The following CKAP2L variants were observed in gnomAD, a reference collection of about 807,000 sequenced individuals.
CKAP2L encodes the protein cytoskeleton-associated protein 2-like.
In CKAP2L, 42 loss-of-function variants were observed where a neutral mutation model predicts 65.7. That is an observed-to-expected ratio of 0.64 (90% CI 0.50 to 0.83). The LOEUF (loss-of-function observed/expected upper bound fraction) is 0.83, where lower values mean the gene tolerates loss of function less well. Ranked by LOEUF, CKAP2L falls within the 40% of genes least tolerant of loss-of-function variation. CKAP2L has a pLI of 0.00. For missense variants in CKAP2L, 908 were observed against 871.0 expected, an observed-to-expected ratio of 1.04 and a Z score of -0.53; for synonymous variants, 325 against 313.5, an observed-to-expected ratio of 1.04 and a Z score of -0.39.
intron 3 of CKAP2L, 83 bp from the exon 4 acceptor site, chr2:112,757,297 C>A: frequency 4.4e-6 from 4 of 917,488 alleles, no homozygotes; most frequent in Non-Finnish European, 3.0e-6. Flanking sequence ...TTAACACATG[C>A]TAAAAAAAAT....
chr2:112,756,574 T>C lies in CKAP2L; in HGVS notation c.797A>G (p.Asp266Gly). Residue 266 changes from aspartate (D) to glycine (G), a missense_variant, in exon 4 of 9, where the codon GAT (aspartate) becomes GGT (glycine). Transcript: ENST00000302450. ...GGGTTTTACTCCTGGTCTTGCAAGA[T>C]CTGCTCCTCTAGAGAGTTGCTGTGA... is the stretch of plus-strand genomic sequence containing the variant. ...VKSQQLSRGADLARPGVKPSR... is the reference protein window; with the variant it reads ...VKSQQLSRGAGLARPGVKPSR... The C allele has an allele frequency of 6.2e-7, 1 of 1,612,670 alleles. No homozygotes were observed. The highest frequency in any genetic ancestry group is 1.3e-5 in the African/African-American group (1 of 74,912).
At position 112,756,695 on chromosome 2, in the gene CKAP2L, C is replaced by T; in HGVS notation, c.676G>A (p.Ala226Thr). Residue 226 changes from alanine (A) to threonine (T), a missense_variant, in exon 4 of 9, where the codon GCC becomes ACC. By Grantham distance (58) the Ala-to-Thr change is moderately conservative. Coordinates refer to ENST00000302450, the MANE Select transcript of CKAP2L (RefSeq NM_152515.5). ...CTATTAACTGAACTTTTGCCCAAGG[C>T]TTGTTTAGGAACTAAACTGTTCTTG... ...QTKNSLVPKQ[A>T]LGKSSVNSAV... The T allele has an allele frequency of 6.3e-7, 1 of 1,592,996 alleles. No individual in the cohort carries two copies. Among genetic ancestry groups the T allele is most frequent in the Non-Finnish European group, 8.5e-7 (1 of 1,172,424 alleles).
chr2:112,755,854 C>G, intron 4 of CKAP2L, 123 bp downstream of exon 4: 1 of 903,304 alleles, frequency 1.1e-6, no homozygotes, highest in Non-Finnish European at 1.7e-6. Flanking sequence ...AATCTTTTTT[C>G]AGACTGTAGT....
intron 6 of CKAP2L, among the ~76,000 whole-genome samples, chr2:112,744,331 G>C (rs899676585): frequency 6.6e-6 from 1 of 152,214 alleles, no homozygotes; most frequent in African/African-American, 2.4e-5. Flanking sequence ...TGATCTACTT[G>C]AGAGAGTTGA....
In CKAP2L at chr2:112,752,391, A is replaced by G. The variant is rs761038617; in HGVS notation, c.1478T>C (p.Ile493Thr). Reference sequence around the variant, plus strand: ...CCAGAATGAAATATTCATTTCCTTTATTACTTTTCTTTTTGTTTTAAGTTC... The same window carrying G: ...CCAGAATGAAATATTCATTTCCTTTGTTACTTTTCTTTTTGTTTTAAGTTC... ...PMELKTKRKV[I>T]KEMNISFWKS... Residue 493 changes from isoleucine to threonine, a missense_variant, in exon 5 of 9, where the codon ATA (isoleucine) becomes ACA (threonine). Ile to Thr is a moderately conservative substitution (Grantham distance 89). Transcript: ENST00000302450. 2.5e-6 allele frequency: 4 copies of G among 1,611,978 alleles called. No individual in the cohort carries two copies. The highest frequency in any genetic ancestry group is 1.3e-5 in the African/African-American group (1 of 74,830).
At chr2:112,754,298 A>AT (rs1558760631) in intron 4 of CKAP2L, among the ~76,000 whole-genome samples, 1 of 152,126 alleles carries the variant, frequency 6.6e-6, no homozygotes, top group Non-Finnish European at 1.5e-5. Flanking sequence ...AATGAATGCT[A>AT]TTAACTCTCA....
chr2:112,746,646 A>G (rs1680210858), intron 5 of CKAP2L, 71 bp from the exon 6 acceptor site: 2 of 1,187,942 alleles, frequency 1.7e-6, no homozygotes, highest in Non-Finnish European at 2.4e-6. Flanking sequence ...CCTAATATTT[A>G]TTACAGCAGG....
chr2:112,758,958 G>C (rs1043136455), intron 3 of CKAP2L, among the ~76,000 whole-genome samples: 12 of 152,280 alleles, frequency 7.9e-5, no homozygotes, highest in Admixed American at 2.6e-4. Context: ...TATGTCTATA[G>C]ATGTGCCTAT....
rs762964647 is a variant in CKAP2L, at chr2:112,746,562, T to C, written c.1616A>G (p.Asn539Ser). Residue 539 changes from asparagine to serine, a missense_variant, in exon 6 of 9, where the codon AAT becomes AGT. Asn to Ser is a conservative substitution (Grantham distance 46, BLOSUM62 1). Coordinates refer to ENST00000302450, the MANE Select transcript of CKAP2L (RefSeq NM_152515.5). Reference protein sequence around the residue: ...LNLIEGGVPSNEILNILSSIP... With the variant: ...LNLIEGGVPSSEILNILSSIP... Reference sequence around the variant, plus strand: ...GCTGGACAATATGTTAAGTATTTCATTAGAAGGTACACCCTGAAATAAACC... The same window carrying C: ...GCTGGACAATATGTTAAGTATTTCACTAGAAGGTACACCCTGAAATAAACC... The C allele has an allele frequency of 5.4e-5, 87 of 1,610,072 alleles. No homozygotes were observed. The South Asian group carries it at 9.0e-4, about 17-fold the overall frequency.
At chr2:112,751,005 A>T (rs1418374968) in intron 5 of CKAP2L, among the ~76,000 whole-genome samples, 1 of 152,160 alleles carries the variant, frequency 6.6e-6, no homozygotes, top group Non-Finnish European at 1.5e-5. Flanking sequence ...AATCCCTTTA[A>T]AAAGTCACAA....
rs748101494 is a variant in CKAP2L, at chr2:112,756,668, C to G, written c.703G>C (p.Ala235Pro). 1.9e-6 allele frequency: 3 copies of G among 1,598,444 alleles called. No individual in the cohort carries two copies. The African/African-American group carries it at 4.1e-5, about 22-fold the overall frequency. Residue 235 changes from alanine to proline, a missense_variant, in exon 4 of 9, where the codon GCT (alanine) becomes CCT (proline). Ala to Pro is a conservative substitution (Grantham distance 27). Coordinates refer to ENST00000302450, the MANE Select transcript of CKAP2L (RefSeq NM_152515.5). ...TTATTAACCCTATCTTTCAGAACAG[C>G]ACTATTAACTGAACTTTTGCCCAAG... ...QALGKSSVNS[A>P]VLKDRVNKQF...
Position 112,746,587 on chromosome 2 carries a change from CAA to C in CKAP2L, c.1603-14_1603-13del. ...TTAGAAGGTACACCCTGAAATAAAC[CAA>C]AATATCCAGAGGTAATTATTACCAT... On this transcript the variant is annotated splice_polypyrimidine_tract_variant and intron_variant, in intron 5 of 8. Coordinates refer to ENST00000302450, the MANE Select transcript of CKAP2L (RefSeq NM_152515.5). 6.3e-7 allele frequency: 1 copy of C among 1,586,214 alleles called. No individual in the cohort carries two copies. Among genetic ancestry groups the C allele is most frequent in the Non-Finnish European group, 8.6e-7 (1 of 1,157,976 alleles).
chr2:112,757,227 A>C lies in CKAP2L; in HGVS notation c.157-13T>G, dbSNP rs1302446151. The C allele has an allele frequency of 1.4e-5, 21 of 1,540,524 alleles. No individual in the cohort carries two copies. Among genetic ancestry groups the C allele is most frequent in the Middle Eastern group, 3.5e-4 (2 of 5,790 alleles). ...TGGGTCTAATAGTCTGAAAAAACAA[A>C]GAAAATACATATTAAAAAATCCTTA... On this transcript the variant is annotated splice_polypyrimidine_tract_variant and intron_variant, in intron 3 of 8. Coordinates refer to ENST00000302450, the MANE Select transcript of CKAP2L (RefSeq NM_152515.5).
At chr2:112,754,058 C>T (rs542910655) in intron 4 of CKAP2L, among the ~76,000 whole-genome samples, 57 of 152,332 alleles carry the variant, frequency 3.7e-4, no homozygotes, top group African/African-American at 1.3e-3. Flanking sequence ...TTTAATAACA[C>T]ACAGTAAAAT....
In CKAP2L at chr2:112,738,683, A is replaced by G; in HGVS notation, c.*140T>C. On this transcript the variant is annotated 3_prime_UTR_variant, in exon 9 of 9. Coordinates refer to ENST00000302450, the MANE Select transcript of CKAP2L (RefSeq NM_152515.5). ...CATGGGGAGAGAAAATTTGAGAGTA[A>G]GCCCAGTGAATTACTTAAGTCCTGA... The G allele has an allele frequency of 1.6e-6, 1 of 628,282 alleles. No individual in the cohort carries two copies. The highest frequency in any genetic ancestry group is 2.0e-5 in the South Asian group (1 of 49,566). 38.9% of individuals were successfully genotyped at this position (628,282 alleles called of 1,614,324 possible). A position where few individuals can be genotyped will look rare whatever the true frequency, so the allele number is the denominator to read the frequency against.
chr2:112,738,848 A>C lies in CKAP2L; in HGVS notation c.2213T>G (p.Leu738Trp). 1.2e-6 allele frequency: 2 copies of C among 1,612,364 alleles called. No individual in the cohort carries two copies. The highest frequency in any genetic ancestry group is 8.5e-7 in the Non-Finnish European group (1 of 1,178,386). Residue 738 changes from leucine (L) to tryptophan (W), a missense_variant, in exon 9 of 9, where the codon TTG (leucine) becomes TGG (tryptophan). By Grantham distance (61) the Leu-to-Trp change is moderately conservative. Coordinates refer to ENST00000302450, the MANE Select transcript of CKAP2L (RefSeq NM_152515.5). ...FRRNEALPVT[L>W]GFQTPES ...TTATGATTCAGGGGTTTGAAACCCCAATGTTACAGGCAGCGCCTCATTTCT... is the reference window on the plus strand; with the variant it reads ...TTATGATTCAGGGGTTTGAAACCCCCATGTTACAGGCAGCGCCTCATTTCT...
At position 112,746,479 on chromosome 2, in the gene CKAP2L, T is replaced by G. The variant is rs1485591245; in HGVS notation, c.1699A>C (p.Ser567Arg). The change falls in exon 6 of 9, where the codon AGT becomes CGT. Residue 567 changes from serine (S) to arginine (R), a missense_variant. Ser to Arg is a moderately radical substitution (Grantham distance 110, BLOSUM62 -1). Transcript: ENST00000302450. The part of the protein sequence containing the change: ...FWICKAKLLA[S>R]KGTFDVIGLY... ...CCAATAACATCAAAGGTGCCTTTACTTGCCAACAACTTTGCTTTGCAGATC... is the reference window on the plus strand; with the variant it reads ...CCAATAACATCAAAGGTGCCTTTACGTGCCAACAACTTTGCTTTGCAGATC... 8 of 1,613,436 alleles carry G rather than the reference T, an allele frequency of 5.0e-6. No homozygotes were observed. The highest frequency in any genetic ancestry group is 6.8e-6 in the Non-Finnish European group (8 of 1,179,506).
At chr2:112,749,563 T>C (rs1196685490) in intron 5 of CKAP2L, among the ~76,000 whole-genome samples, 1 of 151,842 alleles carries the variant, frequency 6.6e-6, no homozygotes, top group East Asian at 1.9e-4. Context: ...AGAGTACACA[T>C]AGGCCACATT....
At chr2:112,757,998 T>C (rs921302447) in intron 3 of CKAP2L, among the ~76,000 whole-genome samples, 1 of 152,196 alleles carries the variant, frequency 6.6e-6, no homozygotes, top group African/African-American at 2.4e-5. Context: ...CAAGAACCTC[T>C]GTCTCATCCC....
Sources: allele counts gnomAD v4.1 joint callset (sites outside exome capture counted in the v4.1 genomes callset), GRCh38; gene constraint gnomAD v4.1.1; transcripts MANE v1.5; gene names NCBI Gene and HGNC (gene_info 2026-07-23, HGNC 2026-07-21).